The following DNAI7 variants were observed in gnomAD, a reference collection of about 807,000 sequenced individuals.
DNAI7 encodes the protein dynein axonemal intermediate chain 7, also known as cancer susceptibility 1.
DNAI7 carries 78 observed loss-of-function variants against 86.6 expected under a neutral mutation model. The observed-to-expected ratio is 0.90, with a 90% CI of 0.75 to 1.09. The LOEUF (loss-of-function observed/expected upper bound fraction) is 1.09. Ranked by LOEUF, DNAI7 falls within the 50% of genes least tolerant of loss-of-function variation. The pLI is 0.00. For synonymous variants in DNAI7, 274 were observed against 273.0 expected, an observed-to-expected ratio of 1.00 and a Z score of -0.04; for missense variants, 753 against 810.2, an observed-to-expected ratio of 0.93 and a Z score of 0.86.
intron 1 of DNAI7, among the ~76,000 whole-genome samples, chr12:25,191,162 T>C (rs1181942157): frequency 6.6e-6 from 1 of 152,164 alleles, no homozygotes; most frequent in South Asian, 2.1e-4. Context: ...ACTCCTGTAA[T>C]AGCATTCGCG....
At chr12:25,161,460 C>A (rs1377345138) in intron 2 of DNAI7, among the ~76,000 whole-genome samples, 1 of 152,146 alleles carries the variant, frequency 6.6e-6, no homozygotes, top group Non-Finnish European at 1.5e-5. Flanking sequence ...TTAAATAATT[C>A]TCATTCCCAG....
rs773716971 is a variant in DNAI7 at position 25,147,090 on chromosome 12, C to T, written c.600G>A (p.Leu200=). Residue 200 remains leucine, a synonymous_variant, in exon 8 of 16, where the codon TTG becomes TTA. Transcript: ENST00000395987. ...CCATATTTCCACTGTCCAGATCTGC[C>T]AAAGTACTAGCTTGCTGTAAGAGAA... is the stretch of plus-strand genomic sequence containing the variant. ...TEILLKQAST[L]ADLDSGNMEK... The T allele has an allele frequency of 1.5e-5, 23 of 1,582,552 alleles. No homozygotes were observed. The South Asian group carries it at 2.3e-4, about 16-fold the overall frequency.
intron 9 of DNAI7, among the ~76,000 whole-genome samples, chr12:25,124,061 T>TGTGTGTGTGTGTGTGC (rs1045679130): frequency 4.6e-5 from 7 of 151,518 alleles, no homozygotes; most frequent in South Asian, 4.2e-4. Context: ...TGTGTGTGTG[T>TGTGTGTGTGTGTGTGC]GCTAATACTT....
At chr12:25,131,160 C>A (rs375758415) in intron 9 of DNAI7, among the ~76,000 whole-genome samples, 5 of 4,908 alleles carry the variant, frequency 1.0e-3, no homozygotes, top group African/African-American at 3.5e-3. Flanking sequence ...CAGTTTACCC[C>A]CAACCAAAAA....
At chr12:25,181,324 T>C (rs1301284080) in intron 2 of DNAI7, among the ~76,000 whole-genome samples, 1 of 151,934 alleles carries the variant, frequency 6.6e-6, no homozygotes, top group East Asian at 1.9e-4. Flanking sequence ...TCACTATGTT[T>C]CCCAGGTTGG....
rs529472819 is a variant in DNAI7 at position 25,132,248 on chromosome 12, G to A, written c.1003-8962C>T. Reference sequence around the variant, plus strand: ...GAGTATAGACAGTAAAAAAATCACTGATAATATACCACCATCCCATCCTTC... The same window carrying A: ...GAGTATAGACAGTAAAAAAATCACTAATAATATACCACCATCCCATCCTTC... On this transcript the variant is annotated intron_variant, in intron 9 of 15. Coordinates refer to ENST00000395987, the MANE Select transcript of DNAI7 (RefSeq NM_018272.5). 2.8e-4 allele frequency among the ~76,000 whole-genome samples: 43 copies of A among 152,116 alleles called. No homozygotes were observed. In the South Asian group the frequency reaches 8.5e-3, roughly 30 times the overall value.
intron 1 of DNAI7, among the ~76,000 whole-genome samples, chr12:25,191,309 G>A (rs2141396581): frequency 6.6e-6 from 1 of 152,268 alleles, no homozygotes; most frequent in African/African-American, 2.4e-5. Flanking sequence ...GGGAGGCTGA[G>A]GTGGGAAGAT....
At chr12:25,134,824 C>T (rs934857386) in intron 9 of DNAI7, among the ~76,000 whole-genome samples, 1 of 152,208 alleles carries the variant, frequency 6.6e-6, no homozygotes, top group African/African-American at 2.4e-5. Context: ...TCGGTACTTT[C>T]AGGCCCACTA....
intron 2 of DNAI7, among the ~76,000 whole-genome samples, chr12:25,162,756 C>A (rs957707532): frequency 6.6e-6 from 1 of 152,194 alleles, no homozygotes; most frequent in African/African-American, 2.4e-5. Context: ...AACTTATATA[C>A]CTCCACTTCC....
At chr12:25,123,190 T>C in intron 10 of DNAI7, 21 bp downstream of exon 10, 1 of 1,488,950 alleles carries the variant, frequency 6.7e-7, no homozygotes, top group Non-Finnish European at 9.2e-7. Context: ...AGTTAAATTC[T>C]TAAAATGTAA....
intron 2 of DNAI7, among the ~76,000 whole-genome samples, chr12:25,179,436 T>A (rs1338613379): frequency 6.6e-6 from 1 of 152,158 alleles, no homozygotes; most frequent in African/African-American, 2.4e-5. Flanking sequence ...CATTATTCTA[T>A]TAATTATTGA....
chr12:25,168,244 C>T (rs1008503058), intron 2 of DNAI7, among the ~76,000 whole-genome samples: 2 of 152,196 alleles, frequency 1.3e-5, no homozygotes, highest in Non-Finnish European at 2.9e-5. Flanking sequence ...CCTCTACCTA[C>T]ATGTGTCTAC....
At chr12:25,147,249 C>A in intron 7 of DNAI7, 145 bp from the exon 8 acceptor site, 1 of 542,646 alleles carries the variant, frequency 1.8e-6, no homozygotes. Context: ...GTTCAATCAA[C>A]ATGACAAAGA....
intron 12 of DNAI7, among the ~76,000 whole-genome samples, chr12:25,117,784 A>T (rs1208788177): frequency 6.6e-6 from 1 of 152,158 alleles, no homozygotes; most frequent in Non-Finnish European, 1.5e-5. Flanking sequence ...CCATTTGCCC[A>T]TTCCTCATCC....
intron 6 of DNAI7, among the ~76,000 whole-genome samples, chr12:25,152,553 A>T (rs952963216): frequency 6.6e-6 from 1 of 152,158 alleles, no homozygotes; most frequent in Admixed American, 6.5e-5. Flanking sequence ...TTTCACTTGT[A>T]TCTTTTGTAA....
At position 25,187,365 on chromosome 12, in the gene DNAI7, A is replaced by G. The variant is rs377714864; in HGVS notation, c.21+3249T>C. ...AATTTTACTTCCTTAATCATATTAT[A>G]TGAAATAGCATCATCATCAGCCCTA... On this transcript the variant is annotated intron_variant, in intron 2 of 15. Coordinates refer to ENST00000395987, the MANE Select transcript of DNAI7 (RefSeq NM_018272.5). 2.5e-4 allele frequency among the ~76,000 whole-genome samples: 38 copies of G among 152,278 alleles called. No homozygotes were observed. The East Asian group carries it at 5.8e-3, about 23-fold the overall frequency.
intron 10 of DNAI7, 73 bp from the exon 11 acceptor site, chr12:25,121,986 T>G: frequency 9.6e-7 from 1 of 1,043,288 alleles, no homozygotes; most frequent in Non-Finnish European, 1.4e-6. Flanking sequence ...AATTTAAAAA[T>G]TCTCATACTG....
intron 2 of DNAI7, among the ~76,000 whole-genome samples, chr12:25,176,863 A>G (rs1208706379): frequency 1.3e-5 from 2 of 150,678 alleles, no homozygotes; most frequent in Non-Finnish European, 3.0e-5. Context: ...ATTGTGACAA[A>G]GTATACATAA....
rs1000764366 is a variant in DNAI7 at position 25,114,941 on chromosome 12, CA to C, written c.1397-72del. ...ATTAAAAAAAGATAAATGAAAGCAC[CA>C]AAAAAATTGCTTTGTGTATAAATTG... On this transcript the variant is annotated intron_variant, in intron 12 of 15. Coordinates refer to ENST00000395987, the MANE Select transcript of DNAI7 (RefSeq NM_018272.5). 60 of 1,176,820 alleles carry C rather than the reference CA, an allele frequency of 5.1e-5. No individual in the cohort carries two copies. The Admixed American group carries it at 6.8e-4, about 13-fold the overall frequency. The allele number at this position is 1,176,820 out of a possible 1,614,324, so 72.9% of individuals were successfully genotyped here. A position where few individuals can be genotyped will look rare whatever the true frequency, so the allele number is the denominator to read the frequency against.
Sources: allele counts gnomAD v4.1 joint callset (sites outside exome capture counted in the v4.1 genomes callset), GRCh38; gene constraint gnomAD v4.1.1; transcripts MANE v1.5; gene names NCBI Gene and HGNC (gene_info 2026-07-23, HGNC 2026-07-21).